SMC5: variants seen among roughly 807,000 people sequenced by gnomAD.
The protein encoded by SMC5 is structural maintenance of chromosomes protein 5.
SMC5 carries 88 observed loss-of-function variants against 148.3 expected under a neutral mutation model. The observed-to-expected ratio is 0.59, with a 90% CI of 0.50 to 0.71. The LOEUF (loss-of-function observed/expected upper bound fraction) is 0.71, where lower values mean the gene tolerates loss of function less well. SMC5 is among the 30% of genes least tolerant of loss of function. SMC5 has a pLI of 0.00. For synonymous variants in SMC5, 421 were observed against 432.8 expected (o/e 0.97, Z 0.34); for missense variants, 1,142 against 1,298.9 (o/e 0.88, Z 1.86).
intron 17 of SMC5, among the ~76,000 whole-genome samples, chr9:70,332,799 A>G (rs1204885836): frequency 2.0e-5 from 3 of 152,218 alleles, no homozygotes; most frequent in African/African-American, 7.2e-5. Context: ...ATATTCATCA[A>G]TATAATTCAG....
chr9:70,289,588 T>C (rs540826973), intron 8 of SMC5, among the ~76,000 whole-genome samples: 15 of 152,292 alleles, frequency 9.8e-5, no homozygotes, highest in African/African-American at 3.6e-4. Context: ...TTTACTGTTA[T>C]GTTTTCTACT....
chr9:70,334,262 CA>C (rs1384154814), intron 17 of SMC5, among the ~76,000 whole-genome samples: 2 of 151,530 alleles, frequency 1.3e-5, no homozygotes, highest in South Asian at 2.1e-4. Context: ...GTATCATATA[CA>C]AATGAGTCAC....
At chr9:70,280,644 C>A in intron 5 of SMC5, 115 bp from the exon 6 acceptor site, 1 of 925,530 alleles carries the variant, frequency 1.1e-6, no homozygotes, top group Non-Finnish European at 1.6e-6. Context: ...TTCTTAAGAA[C>A]TCCTGTGAAT....
intron 13 of SMC5, among the ~76,000 whole-genome samples, chr9:70,318,205 G>A (rs2118601380): frequency 6.6e-6 from 1 of 152,204 alleles, no homozygotes; most frequent in East Asian, 1.9e-4. Context: ...TAGGAAGCAT[G>A]GAAAAACTCC....
intron 3 of SMC5, among the ~76,000 whole-genome samples, chr9:70,275,311 A>G (rs2034558379): frequency 6.6e-6 from 1 of 152,064 alleles, no homozygotes; most frequent in Non-Finnish European, 1.5e-5. Flanking sequence ...CCTTGGTTCA[A>G]GTGATCCTCC....
At chr9:70,309,374 G>A (rs1003862443) in intron 11 of SMC5, among the ~76,000 whole-genome samples, 2 of 112,540 alleles carry the variant, frequency 1.8e-5, no homozygotes, top group South Asian at 2.9e-4. Context: ...CCTCTGTCTC[G>A]CAGACTAGAG....
chr9:70,301,233 C>T (rs1210332347), intron 10 of SMC5, among the ~76,000 whole-genome samples: 1 of 152,084 alleles, frequency 6.6e-6, no homozygotes, highest in East Asian at 1.9e-4. Flanking sequence ...AACATTTTTA[C>T]TAAAATGCCA....
intron 15 of SMC5, among the ~76,000 whole-genome samples, chr9:70,321,285 T>C (rs2035938937): frequency 6.6e-6 from 1 of 152,196 alleles, no homozygotes; most frequent in African/African-American, 2.4e-5. Context: ...ATCTCACTCA[T>C]TTAGTTGCAG....
In SMC5 at chr9:70,297,999, C is replaced by A. The variant is rs763505099; in HGVS notation, c.1087C>A (p.Gln363Lys). ...EELQQALIVK[Q>K]NEELDRQRRI... The stretch of plus-strand genomic sequence containing the variant: ...ACTTCAGCAGGCTTTAATAGTAAAG[C>A]AAAATGAAGAGCTTGACCGACAGAG... The change falls in exon 9 of 25, where the codon CAA (glutamine) becomes AAA (lysine). Residue 363 changes from glutamine to lysine, a missense_variant. Coordinates refer to ENST00000361138, the MANE Select transcript of SMC5 (RefSeq NM_015110.4). 1 of 1,613,590 alleles carries A rather than the reference C, an allele frequency of 6.2e-7. No homozygotes were observed. The highest frequency in any genetic ancestry group is 1.3e-5 in the African/African-American group (1 of 74,982).
chr9:70,278,463 T>C, intron 4 of SMC5, 28 bp from the exon 5 acceptor site: 1 of 1,596,466 alleles, frequency 6.3e-7, no homozygotes, highest in African/African-American at 1.4e-5. Flanking sequence ...TGAATGATAG[T>C]TGCTGATATT....
At chr9:70,265,057 G>A (rs1474792945) in intron 2 of SMC5, among the ~76,000 whole-genome samples, 2 of 152,140 alleles carry the variant, frequency 1.3e-5, no homozygotes, top group African/African-American at 4.8e-5. Context: ...ACCTGCGTAG[G>A]GCACTTAACC....
At chr9:70,334,988 T>G (rs894421350) in intron 17 of SMC5, among the ~76,000 whole-genome samples, 5 of 152,142 alleles carry the variant, frequency 3.3e-5, no homozygotes, top group African/African-American at 1.2e-4. Context: ...TTGCTAAAAT[T>G]TTAAAAGACT....
intron 10 of SMC5, 125 bp downstream of exon 10, chr9:70,300,325 A>G (rs1406751323): frequency 1.5e-5 from 12 of 787,850 alleles, no homozygotes; most frequent in Non-Finnish European, 2.3e-5. Flanking sequence ...CATCTGGCAT[A>G]CTGCTGAATC....
Position 70,350,140 on chromosome 9 carries a change from A to T in SMC5, c.2916A>T (p.Arg972=), listed in dbSNP as rs367696707. The change falls in exon 23 of 25, where the codon CGA becomes CGT. Residue 972 remains arginine (R), a synonymous_variant. Transcript: ENST00000361138. The part of the protein sequence containing the change: ...NEEDYDKYGI[R]IRVKFRSSTQ... ...AAGATTATGATAAATATGGAATTCG[A>T]ATTAGAGTCAAATTTCGAAGTAGTA... 6.2e-7 allele frequency: 1 copy of T among 1,608,384 alleles called. No homozygotes were observed. The highest frequency in any genetic ancestry group is 8.5e-7 in the Non-Finnish European group (1 of 1,178,034).
At position 70,297,977 on chromosome 9, in the gene SMC5, TCAG is replaced by T; in HGVS notation, c.1069_1071del (p.Gln357del). The T allele has an allele frequency of 6.2e-7, 1 of 1,611,994 alleles. No individual in the cohort carries two copies. The highest frequency in any genetic ancestry group is 2.2e-5 in the East Asian group (1 of 44,864). On this transcript the variant is annotated inframe_deletion, in exon 9 of 25. Transcript: ENST00000361138. ...TTTTGTTTTATTAGATTGAGGAACT[TCAG>T]CAGGCTTTAATAGTAAAGCAAAATG... is the stretch of plus-strand genomic sequence containing the variant.
At chr9:70,307,692 C>T (rs1367047498) in intron 11 of SMC5, among the ~76,000 whole-genome samples, 4 of 151,924 alleles carry the variant, frequency 2.6e-5, no homozygotes, top group Non-Finnish European at 4.4e-5. Context: ...TTAGTAGAGA[C>T]GGGGTTTCAC....
At chr9:70,331,360 T>C (rs879866634) in intron 17 of SMC5, among the ~76,000 whole-genome samples, 1 of 152,200 alleles carries the variant, frequency 6.6e-6, no homozygotes, top group Non-Finnish European at 1.5e-5. Context: ...ATATAATGTG[T>C]ATACCTTATT....
chr9:70,310,370 A>G (rs1262882776), intron 11 of SMC5, among the ~76,000 whole-genome samples: 2 of 152,118 alleles, frequency 1.3e-5, no homozygotes, highest in African/African-American at 4.8e-5. Flanking sequence ...TTGGGTGACT[A>G]GGTACATTGT....
At position 70,300,178 on chromosome 9, in the gene SMC5, TCTGTGAGCCC is replaced by T; in HGVS notation, c.1443_1452del (p.Cys482Ter). On this transcript the variant is annotated frameshift_variant, in exon 10 of 25. Coordinates refer to ENST00000361138, the MANE Select transcript of SMC5 (RefSeq NM_015110.4). LOFTEE classifies it high-confidence loss of function. ...AACAGAGACAAATTTAAACAAAGAG[TCTGTGAGCCC>T]ATAATGCTCACGGTAAGAAACTTTG... 1 of 1,595,834 alleles carries T rather than the reference TCTGTGAGCCC, an allele frequency of 6.3e-7. No individual in the cohort carries two copies. Among genetic ancestry groups the T allele is most frequent in the Non-Finnish European group, 8.5e-7 (1 of 1,175,230 alleles).
Sources: gnomAD v4.1 joint callset for allele counts (sites outside exome capture counted in the v4.1 genomes callset) on GRCh38, gnomAD v4.1.1 for gene constraint, MANE v1.5 for transcripts, NCBI Gene and HGNC (gene_info 2026-07-23, HGNC 2026-07-21) for gene names.